The following MYO3A variants were observed in gnomAD, a reference collection of about 807,000 sequenced individuals.
MYO3A encodes the protein myosin IIIA.
Under a neutral mutation model 192.7 loss-of-function variants are expected in MYO3A, and 180 were observed. That is an observed-to-expected ratio of 0.93 (90% CI 0.83 to 1.06). MYO3A has a LOEUF of 1.06. MYO3A is among the 50% of genes least tolerant of loss of function. The pLI, the probability that MYO3A is intolerant of heterozygous loss-of-function variation, is 0.00. For missense variants in MYO3A, 1,896 were observed against 1,905.0 expected (o/e 1.00, Z 0.09); for synonymous variants, 628 against 645.3 (o/e 0.97, Z 0.41).
At chr10:26,084,815 T>TG (rs746226201) in intron 14 of MYO3A, among the ~76,000 whole-genome samples, 3 of 152,230 alleles carry the variant, frequency 2.0e-5, no homozygotes, top group Non-Finnish European at 4.4e-5. Flanking sequence ...CTAGCTCTAC[T>TG]TTTTAGAAGA....
chr10:26,132,209 G>A (rs1839577582), intron 20 of MYO3A, among the ~76,000 whole-genome samples: 1 of 152,180 alleles, frequency 6.6e-6, no homozygotes, highest in Non-Finnish European at 1.5e-5. Flanking sequence ...CGGAAAGGGA[G>A]CTTAACAGTA....
At chr10:26,123,144 T>C (rs1457517960) in intron 18 of MYO3A, among the ~76,000 whole-genome samples, 2 of 152,124 alleles carry the variant, frequency 1.3e-5, no homozygotes, top group Admixed American at 1.3e-4. Flanking sequence ...TTATATAATA[T>C]TGAGGGGAGA....
At chr10:26,154,027 G>C in intron 24 of MYO3A, 98 bp downstream of exon 24, 3 of 892,846 alleles carry the variant, frequency 3.4e-6, no homozygotes, top group South Asian at 1.4e-5. Flanking sequence ...TTTTTTCTTA[G>C]TTTTTCTCCC....
rs533553860 is a variant in MYO3A, at chr10:25,992,588, G to A, written c.304-3902G>A. On this transcript the variant is annotated intron_variant, in intron 4 of 34. Coordinates refer to ENST00000642920, the MANE Select transcript of MYO3A (RefSeq NM_017433.5). The stretch of plus-strand genomic sequence containing the variant: ...AGAGAGGGCATCCCTGTCTTGTGCC[G>A]GTTTTCAAAGGGAATGCTTCCAGTT... Among the ~76,000 whole-genome samples the A allele has an allele frequency of 1.8e-3, 275 of 152,204 alleles. 4 individuals are homozygous for A. Among genetic ancestry groups the A allele is most frequent in the South Asian group, 5.6e-3 (27 of 4,828 alleles).
chr10:26,203,644 G>A (rs1174374882), intron 34 of MYO3A, among the ~76,000 whole-genome samples: 1 of 152,102 alleles, frequency 6.6e-6, no homozygotes, highest in Non-Finnish European at 1.5e-5. Flanking sequence ...TCATACTTTA[G>A]GAATTTTTTC....
At chr10:25,961,711 A>G (rs974812337) in intron 4 of MYO3A, among the ~76,000 whole-genome samples, 10 of 152,200 alleles carry the variant, frequency 6.6e-5, no homozygotes, top group Non-Finnish European at 8.8e-5. Context: ...TGTAAATTAG[A>G]CTAATCACAT....
intron 10 of MYO3A, among the ~76,000 whole-genome samples, chr10:26,028,559 G>A (rs967968659): frequency 3.3e-5 from 5 of 152,122 alleles, no homozygotes; most frequent in East Asian, 1.9e-4. Context: ...CATTCTTCCC[G>A]AAACAGACAA....
chr10:25,980,856 A>C (rs894034115), intron 4 of MYO3A, among the ~76,000 whole-genome samples: 1 of 152,154 alleles, frequency 6.6e-6, no homozygotes, highest in South Asian at 2.1e-4. Flanking sequence ...ATTATTATTA[A>C]CCAAAATCCA....
chr10:26,075,750 G>C (rs944610764), intron 14 of MYO3A, among the ~76,000 whole-genome samples: 1 of 136,186 alleles, frequency 7.3e-6, no homozygotes, highest in South Asian at 2.3e-4. Flanking sequence ...TCATATATAT[G>C]ATATATATAT....
At chr10:26,094,334 T>A (rs1349833087) in intron 15 of MYO3A, among the ~76,000 whole-genome samples, 2 of 152,132 alleles carry the variant, frequency 1.3e-5, no homozygotes. Context: ...TCCACTGCAT[T>A]ATTGGAAGAG....
chr10:25,971,684 C>T (rs925879387), intron 4 of MYO3A, among the ~76,000 whole-genome samples: 1 of 152,204 alleles, frequency 6.6e-6, no homozygotes, highest in Non-Finnish European at 1.5e-5. Context: ...TTCTGGCCTA[C>T]ATAGTTCTAA....
chr10:26,082,812 C>T (rs1195888566), intron 14 of MYO3A, among the ~76,000 whole-genome samples: 3 of 150,902 alleles, frequency 2.0e-5, no homozygotes, highest in South Asian at 2.1e-4. Flanking sequence ...TCAGGGGATC[C>T]CTTGCTGACT....
intron 17 of MYO3A, among the ~76,000 whole-genome samples, chr10:26,098,645 C>A (rs1837222636): frequency 6.6e-6 from 1 of 152,154 alleles, no homozygotes; most frequent in African/African-American, 2.4e-5. Flanking sequence ...GCCAATTTTC[C>A]CAGCACCATT....
intron 31 of MYO3A, among the ~76,000 whole-genome samples, chr10:26,178,870 C>A (rs1056368275): frequency 1.3e-5 from 2 of 151,774 alleles, no homozygotes. Context: ...GGCGCGATCT[C>A]GACTCACTGC....
intron 14 of MYO3A, among the ~76,000 whole-genome samples, chr10:26,074,397 T>G (rs1010532455): frequency 5.9e-5 from 9 of 151,924 alleles, no homozygotes; most frequent in Non-Finnish European, 8.8e-5. Flanking sequence ...CCAATACCAC[T>G]TATTAAAAAC....
chr10:26,091,334 T>C (rs1836688506), intron 15 of MYO3A, among the ~76,000 whole-genome samples: 1 of 152,212 alleles, frequency 6.6e-6, no homozygotes, highest in Non-Finnish European at 1.5e-5. Flanking sequence ...GATAGTACTA[T>C]CTTATAACTT....
chr10:25,946,873 G>A lies in MYO3A; in HGVS notation c.-17-5221G>A, dbSNP rs191016836. On this transcript the variant is annotated intron_variant, in intron 2 of 34. Transcript: ENST00000642920. ...GGCCTGGGTGACAGAGTGAGACTCC[G>A]TCTCAAAAAAAAAAAAAAAAAAAAA... is the stretch of plus-strand genomic sequence containing the variant. Among the ~76,000 whole-genome samples, 95 of 67,808 alleles carry A rather than the reference G, an allele frequency of 1.4e-3. No individual in the cohort carries two copies. In the East Asian group the frequency reaches 0.025, roughly 18 times the overall value. 44.5% of individuals were successfully genotyped at this position (67,808 alleles called of 152,430 possible).
Position 26,125,469 on chromosome 10 carries a change from G to A in MYO3A, c.1975G>A (p.Gly659Arg), listed in dbSNP as rs201181958. The change falls in exon 19 of 35, where the codon GGA becomes AGA. Residue 659 changes from glycine (G) to arginine (R), a missense_variant. Physicochemically the swap from Gly to Arg is moderately radical, Grantham distance 125 (BLOSUM62 -2). Transcript: ENST00000642920. ...CACCTCCCACTGTGTGGTCACTAGA[G>A]GAGAAACAATTATACGACCCAATAC... ...ALTSHCVVTR[G>R]ETIIRPNTVE... The A allele has an allele frequency of 8.2e-5, 133 of 1,614,058 alleles. 1 individual carries two copies. In the South Asian group the frequency reaches 1.3e-3, roughly 16 times the overall value.
intron 4 of MYO3A, among the ~76,000 whole-genome samples, chr10:25,977,146 A>G (rs1489666224): frequency 2.6e-5 from 4 of 152,104 alleles, no homozygotes; most frequent in Non-Finnish European, 5.9e-5. Flanking sequence ...TCATATCTGG[A>G]GGTTCTTTAG....
Sources: gnomAD v4.1 joint callset for allele counts (sites outside exome capture counted in the v4.1 genomes callset) on GRCh38, gnomAD v4.1.1 for gene constraint, MANE v1.5 for transcripts, NCBI Gene and HGNC (gene_info 2026-07-23, HGNC 2026-07-21) for gene names.